DPP6: variants seen among roughly 807,000 people sequenced by gnomAD.
DPP6 encodes the protein dipeptidyl peptidase like 6.
A neutral mutation model predicts 122.6 loss-of-function variants in DPP6; 69 were observed. The observed-to-expected ratio is 0.56, with a 90% CI of 0.46 to 0.69. DPP6 has a LOEUF of 0.69. Among genes scored for constraint, DPP6 ranks in the 30% least tolerant of loss-of-function variants. DPP6 has a pLI of 0.00. For missense variants in DPP6, 928 were observed against 1,116.9 expected (o/e 0.83, Z 2.41); for synonymous variants, 418 against 433.1 (o/e 0.97, Z 0.43).
chr7:153,952,451 A>T (rs1188209763), intron 1 of DPP6, among the ~76,000 whole-genome samples: 1 of 152,238 alleles, frequency 6.6e-6, no homozygotes, highest in Non-Finnish European at 1.5e-5. Context: ...CCAGATTTTA[A>T]TTCTATCAAG....
At chr7:154,151,694 G>A (rs572751043) in intron 1 of DPP6, among the ~76,000 whole-genome samples, 5 of 151,898 alleles carry the variant, frequency 3.3e-5, no homozygotes, top group Non-Finnish European at 5.9e-5. Flanking sequence ...GATGGCATTC[G>A]ACTGCAGCTG....
chr7:154,822,092 G>A (rs2873200), intron 16 of DPP6, among the ~76,000 whole-genome samples: 122,442 of 151,920 alleles, frequency 0.81, 49,446 homozygotes, highest in Non-Finnish European at 0.84. Context: ...CCTTCCCTGG[G>A]GCTCTGAGGG....
intron 10 of DPP6, among the ~76,000 whole-genome samples, chr7:154,776,199 T>TGATA (rs5888595): frequency 0.094 from 14,001 of 148,460 alleles, 730 homozygotes; most frequent in Admixed American, 0.15. Flanking sequence ...CCATGATAGA[T>TGATA]GATAGATAGA....
intron 10 of DPP6, among the ~76,000 whole-genome samples, chr7:154,783,784 T>G (rs993349545): frequency 2.0e-5 from 3 of 152,096 alleles, no homozygotes; most frequent in African/African-American, 7.2e-5. Flanking sequence ...TTCTCCTTGC[T>G]CTTTGTCTCA....
chr7:154,496,054 A>C (rs932975557), intron 3 of DPP6, among the ~76,000 whole-genome samples: 2 of 152,222 alleles, frequency 1.3e-5, no homozygotes, highest in African/African-American at 2.4e-5. Flanking sequence ...TAGACAATTT[A>C]GTAGGCAAAA....
intron 1 of DPP6, among the ~76,000 whole-genome samples, chr7:153,944,559 G>A (rs1801849935): frequency 6.6e-6 from 1 of 151,982 alleles, no homozygotes. Flanking sequence ...TGGGAGGGTA[G>A]TGCCAGCACA....
chr7:154,438,387 G>A (rs985805297), intron 1 of DPP6, among the ~76,000 whole-genome samples: 20 of 142,792 alleles, frequency 1.4e-4, no homozygotes, highest in Non-Finnish European at 1.5e-4. Flanking sequence ...GGAGAACGGC[G>A]TGAACCCAGG....
intron 1 of DPP6, among the ~76,000 whole-genome samples, chr7:153,951,630 G>T (rs1384422802): frequency 6.6e-6 from 1 of 152,200 alleles, no homozygotes. Flanking sequence ...GAATTTACAG[G>T]CGTGGTGAGA....
chr7:154,753,452 C>A lies in DPP6; in HGVS notation c.884-15965C>A, dbSNP rs1413379036. The stretch of plus-strand genomic sequence containing the variant: ...CATCATCCTCCACAGGAGACAGCGA[C>A]CACCTGTGGATTTTTGAAAGAAAGG... On this transcript the variant is annotated intron_variant, in intron 8 of 25. Transcript: ENST00000377770. 2.0e-5 allele frequency among the ~76,000 whole-genome samples: 3 copies of A among 152,226 alleles called. No individual in the cohort carries two copies. In the South Asian group the frequency reaches 6.2e-4, roughly 32 times the overall value.
intron 5 of DPP6, among the ~76,000 whole-genome samples, chr7:154,569,560 A>C (rs1461673473): frequency 6.6e-6 from 1 of 151,920 alleles, no homozygotes; most frequent in African/African-American, 2.4e-5. Context: ...TGTGTATCTC[A>C]AAGGCAGCTA....
chr7:153,797,839 C>T, the DPP6 span, among the ~76,000 whole-genome samples: 1 of 152,000 alleles, frequency 6.6e-6, no homozygotes, highest in Admixed American at 6.6e-5. Flanking sequence ...CCATCTTCTT[C>T]TTCTTTTTTT....
chr7:154,486,151 T>TG lies in DPP6; in HGVS notation c.457+11115dup, dbSNP rs1823777531. On this transcript the variant is annotated intron_variant, in intron 3 of 25. Coordinates refer to ENST00000377770, the MANE Select transcript of DPP6 (RefSeq NM_130797.4). This position sits in a 1 kb window ranked among gnomAD's most constrained non-coding sequence, Gnocchi z 4.5. ...CATGGCCTCTATTTTGTTTTTTTTT[T>TG]GAGATGGAGTCTCACTCTATCGCCC... is the stretch of plus-strand genomic sequence containing the variant. 6.6e-6 allele frequency among the ~76,000 whole-genome samples: 1 copy of TG among 151,810 alleles called. No individual in the cohort carries two copies. The highest frequency in any genetic ancestry group is 2.4e-5 in the African/African-American group (1 of 41,286).
At chr7:154,250,418 C>T (rs143842913) in intron 1 of DPP6, among the ~76,000 whole-genome samples, 64 of 152,158 alleles carry the variant, frequency 4.2e-4, no homozygotes, top group African/African-American at 1.5e-3. Context: ...TGGGTGCGTG[C>T]GCTGGGGCTG....
chr7:153,974,203 G>C (rs1234496410), intron 1 of DPP6, among the ~76,000 whole-genome samples: 4 of 152,132 alleles, frequency 2.6e-5, no homozygotes, highest in Non-Finnish European at 4.4e-5. Flanking sequence ...CCTTGATGGG[G>C]TGTTTCAGGT....
At chr7:154,672,017 C>A (rs927450081) in intron 7 of DPP6, among the ~76,000 whole-genome samples, 1 of 152,166 alleles carries the variant, frequency 6.6e-6, no homozygotes, top group South Asian at 2.1e-4. Flanking sequence ...TGTGTCCCCA[C>A]ACAAATCTCA....
intron 5 of DPP6, among the ~76,000 whole-genome samples, chr7:154,582,630 C>G (rs1832148826): frequency 1.3e-5 from 2 of 152,204 alleles, no homozygotes; most frequent in Non-Finnish European, 2.9e-5. Context: ...TCTTAGCTGC[C>G]ACTGGACCAT....
intron 3 of DPP6, among the ~76,000 whole-genome samples, chr7:154,538,054 A>C (rs1828407224): frequency 6.6e-6 from 1 of 152,124 alleles, no homozygotes; most frequent in Non-Finnish European, 1.5e-5. Context: ...AAAAAAACTA[A>C]ACAACATAGT....
chr7:154,430,653 C>G (rs1317331), intron 1 of DPP6, among the ~76,000 whole-genome samples: 8,319 of 152,218 alleles, frequency 0.055, 377 homozygotes, highest in African/African-American at 0.12. Context: ...CCGTGCAACA[C>G]AGGTGCCCTT....
chr7:154,320,477 T>TG lies in DPP6; in HGVS notation c.244-125737_244-125736insG, dbSNP rs1279687096. Among the ~76,000 whole-genome samples the TG allele has an allele frequency of 1.2e-4, 10 of 83,252 alleles. No individual in the cohort carries two copies. In the East Asian group the frequency reaches 3.5e-3, roughly 30 times the overall value. The allele number at this position is 83,252 out of a possible 152,430, so 54.6% of individuals were successfully genotyped here. On this transcript the variant is annotated intron_variant, in intron 1 of 25. Transcript: ENST00000377770. The stretch of plus-strand genomic sequence containing the variant: ...GATAAAATAGCCAATTGTACTTTGT[T>TG]TTTTTTTTTGTTGTTGTTTTTCTTG...
Sources: allele counts gnomAD v4.1 joint callset (sites outside exome capture counted in the v4.1 genomes callset), GRCh38; gene constraint gnomAD v4.1.1; non-coding constraint Gnocchi (gnomAD v3.1); transcripts MANE v1.5; gene names NCBI Gene and HGNC (gene_info 2026-07-23, HGNC 2026-07-21).